TBCD: variants seen among roughly 807,000 people sequenced by gnomAD.
TBCD encodes tubulin folding cofactor D.
A neutral mutation model predicts 169.3 loss-of-function variants in TBCD; 105 were observed. The ratio of observed to expected loss-of-function variants is 0.62; its 90% CI spans 0.53 to 0.73. The LOEUF (loss-of-function observed/expected upper bound fraction) is 0.73, where lower values mean the gene tolerates loss of function less well. Among genes scored for constraint, TBCD ranks in the 30% least tolerant of loss-of-function variants. The probability of loss-of-function intolerance (pLI) is 0.00; values close to 1 mark genes in which losing one functional copy is unlikely to be tolerated. For synonymous variants in TBCD, 700 were observed against 643.9 expected (o/e 1.09, Z -1.32); for missense variants, 1,444 against 1,600.1 (o/e 0.90, Z 1.66).
chr17:82,814,723 C>A, intron 12 of TBCD, 117 bp from the exon 13 acceptor site: 2 of 959,796 alleles, frequency 2.1e-6, no homozygotes, highest in South Asian at 1.4e-5. Context: ...GTGAGCCTTA[C>A]GTGAGCCTTA....
chr17:82,904,256 A>T (rs2060081150), intron 19 of TBCD, among the ~76,000 whole-genome samples: 1 of 135,484 alleles, frequency 7.4e-6, no homozygotes, highest in Non-Finnish European at 1.6e-5. Context: ...GCCACATGAC[A>T]CTCCTTGGTC....
chr17:82,754,290 C>T (rs926747993), intron 1 of TBCD, among the ~76,000 whole-genome samples: 1 of 152,146 alleles, frequency 6.6e-6, no homozygotes, highest in Non-Finnish European at 1.5e-5. Context: ...CGGAAATGAT[C>T]CTCCGTGATG....
intron 19 of TBCD, among the ~76,000 whole-genome samples, chr17:82,905,517 G>A (rs1336122288): frequency 7.0e-6 from 1 of 142,328 alleles, no homozygotes; most frequent in East Asian, 2.1e-4. Context: ...TCCCGGCCCT[G>A]TGTGGGTGCG....
chr17:82,766,441 C>A, intron 4 of TBCD, 73 bp downstream of exon 4: 1 of 956,880 alleles, frequency 1.0e-6, no homozygotes, highest in Non-Finnish European at 1.6e-6. Flanking sequence ...CCCCACCCTG[C>A]TGCACCTTCC....
intron 34 of TBCD, among the ~76,000 whole-genome samples, chr17:82,935,697 G>A (rs1013458425): frequency 3.3e-5 from 5 of 152,208 alleles, no homozygotes; most frequent in Admixed American, 6.5e-5. Flanking sequence ...GCGTGCTTCC[G>A]TCTTGAGTTA....
At chr17:82,800,830 C>T (rs1222215501) in intron 8 of TBCD, 34 bp from the exon 9 acceptor site, 2 of 1,591,330 alleles carry the variant, frequency 1.3e-6, no homozygotes, top group Admixed American at 3.5e-5. Flanking sequence ...ATGCCTGCAG[C>T]CCTTCCTGCG....
chr17:82,817,889 G>A (rs191841501), intron 13 of TBCD, among the ~76,000 whole-genome samples: 96 of 152,294 alleles, frequency 6.3e-4, no homozygotes, highest in African/African-American at 2.0e-3. Context: ...TTCATTTAAC[G>A]TTTTGTTCCA....
chr17:82,760,962 T>G (rs1298692411), intron 2 of TBCD, among the ~76,000 whole-genome samples: 1 of 151,820 alleles, frequency 6.6e-6, no homozygotes, highest in East Asian at 1.9e-4. Context: ...AGTTTTTCAG[T>G]CTTTTTTTTT....
chr17:82,865,153 A>G (rs555869753), intron 13 of TBCD, among the ~76,000 whole-genome samples: 1 of 148,804 alleles, frequency 6.7e-6, no homozygotes, highest in East Asian at 2.1e-4. Flanking sequence ...CTCCTAGCAA[A>G]TTCAACACTG....
chr17:82,807,269 C>G (rs1030669200), intron 10 of TBCD, among the ~76,000 whole-genome samples: 1 of 152,206 alleles, frequency 6.6e-6, no homozygotes, highest in African/African-American at 2.4e-5. Context: ...TGGAAGCTTC[C>G]CAGCCCACTT....
chr17:82,936,730 T>A (rs1250621384), intron 34 of TBCD, among the ~76,000 whole-genome samples: 3 of 152,194 alleles, frequency 2.0e-5, no homozygotes, highest in Admixed American at 2.0e-4. Flanking sequence ...GGTGCGCACC[T>A]TCTCCTCCCT....
chr17:82,868,128 C>T lies in TBCD; in HGVS notation c.1319-2096C>T, dbSNP rs951445261. 9.9e-5 allele frequency among the ~76,000 whole-genome samples: 15 copies of T among 152,208 alleles called. No individual in the cohort carries two copies. In the East Asian group the frequency reaches 1.2e-3, roughly 12 times the overall value. On this transcript the variant is annotated intron_variant, in intron 13 of 38. Transcript: ENST00000355528. ...AGAGGCGTGGCTGCCGCAGTTGGGG[C>T]GGGCTCTGGGAATGGCGCGGTGTCT...
intron 37 of TBCD, among the ~76,000 whole-genome samples, chr17:82,939,925 C>T (rs1477735446): frequency 3.9e-5 from 6 of 152,224 alleles, no homozygotes; most frequent in Admixed American, 6.5e-5. Flanking sequence ...CACCCCCTTC[C>T]TCAGGGCCAT....
intron 13 of TBCD, among the ~76,000 whole-genome samples, chr17:82,863,988 G>A (rs767536002): frequency 6.6e-6 from 1 of 152,192 alleles, no homozygotes; most frequent in Non-Finnish European, 1.5e-5. Context: ...ACCACCCTCA[G>A]GACTAAATGC....
Position 82,782,631 on chromosome 17 carries a change from C to T in TBCD, c.771+910C>T, listed in dbSNP as rs984908641. On this transcript the variant is annotated intron_variant, in intron 7 of 38. Coordinates refer to ENST00000355528, the MANE Select transcript of TBCD (RefSeq NM_005993.5). The surrounding 1 kb of genome is among the most constrained non-coding windows in gnomAD (Gnocchi z 5.1). ...AAAGTGCTGGGATTACAGGCTTGAGCCGCCGCGCCTGGAAGGACACTTTGG... is the reference window on the plus strand; with the variant it reads ...AAAGTGCTGGGATTACAGGCTTGAGTCGCCGCGCCTGGAAGGACACTTTGG... Among the ~76,000 whole-genome samples the T allele has an allele frequency of 6.6e-6, 1 of 152,198 alleles. No individual in the cohort carries two copies. Among genetic ancestry groups the T allele is most frequent in the Non-Finnish European group, 1.5e-5 (1 of 68,040 alleles).
chr17:82,937,094 C>T, intron 34 of TBCD, 177 bp from the exon 35 acceptor site: 1 of 604,862 alleles, frequency 1.7e-6, no homozygotes. Flanking sequence ...ACCAGGCCGG[C>T]CTGTGGAGGT....
chr17:82,942,797 C>A lies in TBCD; in HGVS notation c.*334C>A. 1 of 425,884 alleles carries A rather than the reference C, an allele frequency of 2.3e-6. No homozygotes were observed. The highest frequency in any genetic ancestry group is 4.2e-6 in the Non-Finnish European group (1 of 238,640). 26.4% of individuals were successfully genotyped at this position (425,884 alleles called of 1,614,324 possible). On this transcript the variant is annotated 3_prime_UTR_variant, in exon 39 of 39. Coordinates refer to ENST00000355528, the MANE Select transcript of TBCD (RefSeq NM_005993.5). ...AGCCAGAGGGGAGGTGGGCTGCACTCCTCCTGCCTGGAGACCAGGCCCCCT... is the reference window on the plus strand; with the variant it reads ...AGCCAGAGGGGAGGTGGGCTGCACTACTCCTGCCTGGAGACCAGGCCCCCT...
chr17:82,850,331 T>C lies in TBCD; in HGVS notation c.1319-19893T>C, dbSNP rs200888472. Among the ~76,000 whole-genome samples, 18 of 141,114 alleles carry C rather than the reference T, an allele frequency of 1.3e-4. No individual in the cohort carries two copies. In the South Asian group the frequency reaches 1.8e-3, roughly 14 times the overall value. The allele number at this position is 141,114 out of a possible 152,430, so 92.6% of individuals were successfully genotyped here. ...TGCTCTTCTGCTGTTGGCTGTGCTG[T>C]TGTTGGCTGTGCTGTTGTTGGCTGT... On this transcript the variant is annotated intron_variant, in intron 13 of 38. Coordinates refer to ENST00000355528, the MANE Select transcript of TBCD (RefSeq NM_005993.5).
At chr17:82,934,079 C>T (rs911790710) in intron 34 of TBCD, among the ~76,000 whole-genome samples, 4 of 152,242 alleles carry the variant, frequency 2.6e-5, no homozygotes, top group African/African-American at 4.8e-5. Flanking sequence ...CCTTGGACAG[C>T]GTCCTCGTAC....
Sources: gnomAD v4.1 joint callset for allele counts (sites outside exome capture counted in the v4.1 genomes callset) on GRCh38, gnomAD v4.1.1 for gene constraint, Gnocchi (gnomAD v3.1) non-coding constraint, MANE v1.5 for transcripts, NCBI Gene and HGNC (gene_info 2026-07-23, HGNC 2026-07-21) for gene names.